Variants in TEX11 observed in about 807,000 individuals in gnomAD.
TEX11 encodes testis-expressed protein 11.
TEX11 carries 7 observed loss-of-function variants against 84.4 expected under a neutral mutation model. The ratio of observed to expected loss-of-function variants is 0.08; its 90% CI spans 0.05 to 0.16. The LOEUF (loss-of-function observed/expected upper bound fraction) is 0.16. Among genes scored for constraint, TEX11 ranks in the 10% least tolerant of loss-of-function variants. The pLI is 1.00. For synonymous variants in TEX11, 264 were observed against 222.8 expected, an observed-to-expected ratio of 1.18 and a Z score of -1.64; for missense variants, 551 against 660.5, an observed-to-expected ratio of 0.83 and a Z score of 1.82.
intron 9 of TEX11, among the ~76,000 whole-genome samples, chrX:70,765,680 A>G (rs1044926236): frequency 1.8e-5 from 2 of 111,924 alleles, no homozygotes; most frequent in Non-Finnish European, 3.8e-5. Context: ...AGCTAGTATC[A>G]TAAGGAATGG....
At chrX:70,759,902 CA>C (rs924821078) in intron 9 of TEX11, among the ~76,000 whole-genome samples, 1 of 111,916 alleles carries the variant, frequency 8.9e-6, no homozygotes, top group African/African-American at 3.2e-5. Flanking sequence ...AACTGATAAA[CA>C]ACTTCAGCCA....
chrX:70,514,036 C>T, the TEX11 span, among the ~76,000 whole-genome samples: 1 of 108,888 alleles, frequency 9.2e-6, no homozygotes, highest in Admixed American at 9.7e-5. Flanking sequence ...TATGAAATTG[C>T]CATTATCCAA....
intron 8 of TEX11, among the ~76,000 whole-genome samples, chrX:70,829,713 TTGTGTGTGTG>T (rs755199889): frequency 9.3e-6 from 1 of 107,218 alleles, no homozygotes; most frequent in African/African-American, 3.4e-5. Flanking sequence ...TTTTATTAGT[TTGTGTGTGTG>T]TGTGTGTGTA....
chrX:70,678,806 C>T lies in TEX11; in HGVS notation c.1240G>A (p.Glu414Lys). ...TGAAAAAGAGATTATTCTCAAACCTCAAAACTACTGGCAGCTTGTCTCCAC... is the reference window on the plus strand; with the variant it reads ...TGAAAAAGAGATTATTCTCAAACCTTAAAACTACTGGCAGCTTGTCTCCAC... ...ILWRQAASSF[E>K]VQNYTDALQW... Residue 414 changes from glutamate to lysine, a missense_variant and splice_region_variant, in exon 15 of 30, where the codon GAG becomes AAG. Coordinates refer to ENST00000374333, the MANE Select transcript of TEX11 (RefSeq NM_031276.3). 1.7e-6 allele frequency: 2 copies of T among 1,202,587 alleles called. No homozygotes were observed. The highest frequency in any genetic ancestry group is 2.2e-6 in the Non-Finnish European group (2 of 891,650).
At chrX:70,752,008 CA>C (rs1281388852) in intron 9 of TEX11, among the ~76,000 whole-genome samples, 3 of 111,915 alleles carry the variant, frequency 2.7e-5, no homozygotes, top group African/African-American at 9.7e-5. Context: ...ACGATTAACA[CA>C]AAAGAGCAGA....
rs778834138 is a variant in TEX11 at position 70,567,709 on chromosome X, G to C, written c.2141-12909C>G. Among the ~76,000 whole-genome samples, 527 of 111,529 alleles carry C rather than the reference G, an allele frequency of 4.7e-3. 3 individuals are homozygous for C. Among genetic ancestry groups the C allele is most frequent in the Admixed American group, 8.7e-3 (91 of 10,454 alleles). ...GGTTGTTCAGTTTCCGTGTAGTTGA[G>C]CAGTTTTGAGTGAGTTTCTTAATCC... On this transcript the variant is annotated intron_variant, in intron 25 of 29. Transcript: ENST00000374333.
At chrX:70,760,735 C>T (rs1007334672) in intron 9 of TEX11, among the ~76,000 whole-genome samples, 1 of 111,792 alleles carries the variant, frequency 8.9e-6, no homozygotes, top group African/African-American at 3.3e-5. Flanking sequence ...AAAGCAATGG[C>T]AACAAAAGCA....
chrX:70,730,829 A>G (rs748607168), intron 11 of TEX11, among the ~76,000 whole-genome samples: 2 of 110,917 alleles, frequency 1.8e-5, no homozygotes, highest in African/African-American at 6.5e-5. Context: ...GAACTCTCCA[A>G]CCCAAATCAA....
intron 25 of TEX11, among the ~76,000 whole-genome samples, chrX:70,580,222 T>G (rs1440626362): frequency 8.9e-6 from 1 of 112,363 alleles, no homozygotes; most frequent in Non-Finnish European, 1.9e-5. Flanking sequence ...AAACCTTGCA[T>G]GTTCTCACTT....
At chrX:70,826,311 CAA>C (rs1199564180) in intron 8 of TEX11, among the ~76,000 whole-genome samples, 13 of 38,430 alleles carry the variant, frequency 3.4e-4, no homozygotes, top group Admixed American at 3.3e-4. Flanking sequence ...AACTCCTTGT[CAA>C]AAAAAAAAAA....
At chrX:70,775,312 C>A (rs1413738747) in intron 9 of TEX11, among the ~76,000 whole-genome samples, 3 of 111,059 alleles carry the variant, frequency 2.7e-5, no homozygotes, top group Non-Finnish European at 5.7e-5. Context: ...CTCAAAAAGA[C>A]AACAAAAACA....
At chrX:70,724,146 T>C (rs1039100418) in intron 12 of TEX11, 7 of 750,217 alleles carry the variant, frequency 9.3e-6, no homozygotes, top group Non-Finnish European at 7.9e-6. Flanking sequence ...ACTCCAATCA[T>C]CTCTCTGGTC....
At chrX:70,780,813 C>T (rs1283018210) in intron 9 of TEX11, among the ~76,000 whole-genome samples, 2 of 112,439 alleles carry the variant, frequency 1.8e-5, no homozygotes, top group African/African-American at 6.5e-5. Context: ...GAAGCTCAAG[C>T]TGGTCGGAGC....
At chrX:70,635,684 G>C (rs1030875777) in intron 17 of TEX11, among the ~76,000 whole-genome samples, 7 of 111,353 alleles carry the variant, frequency 6.3e-5, no homozygotes, top group African/African-American at 2.3e-4. Flanking sequence ...CAGCCCCACA[G>C]CCCTAGTCAT....
intron 20 of TEX11, among the ~76,000 whole-genome samples, chrX:70,619,278 C>T (rs2089354942): frequency 2.7e-5 from 3 of 111,292 alleles, no homozygotes; most frequent in Admixed American, 9.6e-5. Context: ...CTCTTGGGGG[C>T]AGGGTGTGTC....
At chrX:70,699,091 A>T (rs1036780716) in intron 13 of TEX11, among the ~76,000 whole-genome samples, 2 of 111,511 alleles carry the variant, frequency 1.8e-5, no homozygotes, top group African/African-American at 6.5e-5. Context: ...AAGAAGTCCA[A>T]CTACCCTGAG....
intron 25 of TEX11, among the ~76,000 whole-genome samples, chrX:70,587,340 A>C (rs1165863950): frequency 8.9e-6 from 1 of 112,026 alleles, no homozygotes; most frequent in African/African-American, 3.2e-5. Flanking sequence ...CCTAGGAGGG[A>C]AAAATGGTTT....
intron 28 of TEX11, among the ~76,000 whole-genome samples, chrX:70,538,474 G>T (rs907465510): frequency 9.0e-6 from 1 of 110,893 alleles, no homozygotes; most frequent in Admixed American, 9.6e-5. Flanking sequence ...AGGGAGACGT[G>T]AGGCTTGGAA....
At position 70,568,434 on chromosome X, in the gene TEX11, T is replaced by C. The variant is rs2088529499; in HGVS notation, c.2141-13634A>G. On this transcript the variant is annotated intron_variant, in intron 25 of 29. Transcript: ENST00000374333. ...AAAGTTAATATTGTTATGTGTGAAT[T>C]TGATCCTGTCATTATGATGTTAGCT... Among the ~76,000 whole-genome samples the C allele has an allele frequency of 3.6e-5, 4 of 110,541 alleles. No individual in the cohort carries two copies. In the Admixed American group the frequency reaches 3.9e-4, roughly 11 times the overall value.
Sources: gnomAD v4.1 joint callset for allele counts (sites outside exome capture counted in the v4.1 genomes callset) on GRCh38, gnomAD v4.1.1 for gene constraint, MANE v1.5 for transcripts, NCBI Gene and HGNC (gene_info 2026-07-23, HGNC 2026-07-21) for gene names.